KIF26A: variants seen among roughly 807,000 people sequenced by gnomAD.
KIF26A encodes the protein kinesin family member 26A, also known as kinesin-like protein KIF26A.
In KIF26A, 74 loss-of-function variants were observed where a neutral mutation model predicts 126.0. The observed-to-expected ratio is 0.59, with a 90% CI of 0.49 to 0.71. The LOEUF is 0.71. KIF26A is among the 30% of genes least tolerant of loss of function. The probability of loss-of-function intolerance (pLI) is 0.00; values close to 1 mark genes in which losing one functional copy is unlikely to be tolerated. For synonymous variants in KIF26A, 1,445 were observed against 1,232.7 expected (o/e 1.17, Z -3.61); for missense variants, 2,984 against 2,763.3 (o/e 1.08, Z -1.79).
At chr14:104,157,512 G>A (rs541919483) in intron 3 of KIF26A, among the ~76,000 whole-genome samples, 27 of 152,262 alleles carry the variant, frequency 1.8e-4, no homozygotes, top group East Asian at 1.4e-3. Context: ...GGGGCAGACC[G>A]CCCACACACC....
rs1438215438 is a variant in KIF26A, at chr14:104,173,368, G to C, written c.1722G>C (p.Glu574Asp). ...NQSELRAPTA[E>D]KAAFYLDAAL... The stretch of plus-strand genomic sequence containing the variant: ...GCGAGCTGCGGGCACCCACGGCCGA[G>C]AAGGCGGCTTTCTACCTGGATGCGG... The change falls in exon 9 of 15, where the codon GAG (glutamate) becomes GAC (aspartate). Residue 574 changes from glutamate (E) to aspartate (D), a missense_variant. By Grantham distance (45) the Glu-to-Asp change is conservative. Coordinates refer to ENST00000423312, the MANE Select transcript of KIF26A (RefSeq NM_015656.2). 2 of 1,597,262 alleles carry C rather than the reference G, an allele frequency of 1.3e-6. No individual in the cohort carries two copies. The highest frequency in any genetic ancestry group is 1.3e-5 in the African/African-American group (1 of 74,698).
chr14:104,165,443 G>A (rs900607985), intron 4 of KIF26A, among the ~76,000 whole-genome samples: 1 of 150,518 alleles, frequency 6.6e-6, no homozygotes, highest in Non-Finnish European at 1.5e-5. Context: ...CTGTCTCTGT[G>A]TGTGTTTCTG....
chr14:104,172,472 T>G, intron 6 of KIF26A, 103 bp from the exon 7 acceptor site: 2 of 745,814 alleles, frequency 2.7e-6, no homozygotes, highest in South Asian at 3.5e-5. Flanking sequence ...CCAATCTCCT[T>G]GTGGGTCGAC....
rs529333238 is a variant in KIF26A at position 104,178,808 on chromosome 14, G to A, written c.5316+53G>A. ...TGACCCCTGGTGGGGAGCCTGCCGC[G>A]GATGGCAGAGTGAGCCATTTGATGG... On this transcript the variant is annotated intron_variant, in intron 13 of 14. Coordinates refer to ENST00000423312, the MANE Select transcript of KIF26A (RefSeq NM_015656.2). 113 of 1,064,012 alleles carry A rather than the reference G, an allele frequency of 1.1e-4. No homozygotes were observed. The African/African-American group carries it at 1.2e-3, about 11-fold the overall frequency. 65.9% of individuals were successfully genotyped at this position (1,064,012 alleles called of 1,614,324 possible).
At chr14:104,168,302 C>T (rs916694221) in intron 5 of KIF26A, among the ~76,000 whole-genome samples, 9 of 152,198 alleles carry the variant, frequency 5.9e-5, no homozygotes, top group African/African-American at 1.7e-4. Context: ...GCCCCCTGCC[C>T]GCCCGGTGAT....
At chr14:104,140,697 G>C (rs1358476852) in intron 2 of KIF26A, among the ~76,000 whole-genome samples, 2 of 152,140 alleles carry the variant, frequency 1.3e-5, no homozygotes, top group African/African-American at 4.8e-5. Context: ...CTCATCTAGG[G>C]GGGTGTCTTG....
rs1269922569 is a variant in KIF26A, at chr14:104,138,767, A to C, written c.42+3A>C. On this transcript the variant is annotated splice_donor_region_variant and intron_variant, in intron 1 of 14. Coordinates refer to ENST00000423312, the MANE Select transcript of KIF26A (RefSeq NM_015656.2). ...CTCTGTGCGCTGCGCAGCCCGCGGT[A>C]CGCGCGGCCCGGCCTGGAGAGGGAG... 8.0e-7 allele frequency: 1 copy of C among 1,257,180 alleles called. No individual in the cohort carries two copies. Among genetic ancestry groups the C allele is most frequent in the African/African-American group, 1.6e-5 (1 of 64,142 alleles). 77.9% of individuals were successfully genotyped at this position (1,257,180 alleles called of 1,614,324 possible).
At chr14:104,179,118 C>T (rs1381605914) in intron 13 of KIF26A, 118 bp from the exon 14 acceptor site, 7 of 1,212,802 alleles carry the variant, frequency 5.8e-6, no homozygotes, top group Non-Finnish European at 5.5e-6. Context: ...CCTTGGAGCC[C>T]CACTGTGTGC....
chr14:104,144,553 A>G (rs2037664653), intron 2 of KIF26A, among the ~76,000 whole-genome samples: 1 of 152,192 alleles, frequency 6.6e-6, no homozygotes, highest in Non-Finnish European at 1.5e-5. Flanking sequence ...AGTACCCTGG[A>G]AGGATCTCTT....
Position 104,175,873 on chromosome 14 carries a change from G to T in KIF26A, c.3085G>T (p.Glu1029Ter). 6.5e-7 allele frequency: 1 copy of T among 1,540,314 alleles called. No homozygotes were observed. The highest frequency in any genetic ancestry group is 8.7e-7 in the Non-Finnish European group (1 of 1,147,994). Reference sequence around the variant, plus strand: ...GCAGCGGCCAGTGGAGCTCAACGGCGAGGACGAGCTGGTGTTCACGGTGGT... The same window carrying T: ...GCAGCGGCCAGTGGAGCTCAACGGCTAGGACGAGCTGGTGTTCACGGTGGT... ...TLQRPVELNG[E>*]DELVFTVVEE... The change falls in exon 12 of 15, where the codon GAG becomes TAG. Residue 1029 changes from glutamate (E) to a stop codon, truncating the protein, a stop_gained. Coordinates refer to ENST00000423312, the MANE Select transcript of KIF26A (RefSeq NM_015656.2). LOFTEE classifies it high-confidence loss of function.
At position 104,179,760 on chromosome 14, in the gene KIF26A, C is replaced by T; in HGVS notation, c.5619C>T (p.Ala1873=). The change falls in exon 15 of 15, where the codon GCC becomes GCT. Residue 1873 remains alanine (A), a synonymous_variant. Coordinates refer to ENST00000423312, the MANE Select transcript of KIF26A (RefSeq NM_015656.2). ...ACATCAGCGTTGCAGCCAGTGCTGC[C>T]ATCCCGGGGCCGCAGGAGGTGGACG... ...CFDISVAASA[A]IPGPQEVDV 1.3e-6 allele frequency: 2 copies of T among 1,549,282 alleles called. No individual in the cohort carries two copies. Among genetic ancestry groups the T allele is most frequent in the Non-Finnish European group, 1.7e-6 (2 of 1,147,810 alleles).
chr14:104,170,332 C>T (rs1228146300), intron 5 of KIF26A, among the ~76,000 whole-genome samples: 3 of 152,192 alleles, frequency 2.0e-5, no homozygotes, highest in Admixed American at 6.5e-5. Flanking sequence ...CCTAATGGAG[C>T]CCAGGTTCTG....
At chr14:104,150,206 C>CCCTCCT (rs534619963) in intron 2 of KIF26A, among the ~76,000 whole-genome samples, 3 of 73,168 alleles carry the variant, frequency 4.1e-5, no homozygotes, top group South Asian at 6.3e-4. Context: ...CTCCCCCACC[C>CCCTCCT]CCTCCTCCTC....
At position 104,166,890 on chromosome 14, in the gene KIF26A, A is replaced by T; in HGVS notation, c.955A>T (p.Arg319Trp). The change falls in exon 5 of 15, where the codon AGG becomes TGG. Residue 319 changes from arginine (R) to tryptophan (W), a missense_variant. Coordinates refer to ENST00000423312, the MANE Select transcript of KIF26A (RefSeq NM_015656.2). ...GCAGAAGCTCAGCCTGGCCTCCAAG[A>T]GGAAGAAGCCCCACCCGCCACCGCC... The part of the protein sequence containing the change: ...AMQKLSLASK[R>W]KKPHPPPPPA... 1 of 1,584,844 alleles carries T rather than the reference A, an allele frequency of 6.3e-7. No homozygotes were observed. The highest frequency in any genetic ancestry group is 8.6e-7 in the Non-Finnish European group (1 of 1,166,686).
intron 6 of KIF26A, 139 bp downstream of exon 6, chr14:104,172,074 T>C (rs572386592): frequency 4.0e-5 from 33 of 818,280 alleles, no homozygotes; most frequent in Non-Finnish European, 6.2e-5. Context: ...CTGCGGCGCC[T>C]GCCTGCTTAC....
Position 104,177,032 on chromosome 14 carries a change from C to T in KIF26A, c.4244C>T (p.Ala1415Val). 1 of 1,572,890 alleles carries T rather than the reference C, an allele frequency of 6.4e-7. No individual in the cohort carries two copies. The highest frequency in any genetic ancestry group is 8.6e-7 in the Non-Finnish European group (1 of 1,167,806). ...CGGGCTGACCACTCTGTCCCCAGGG[C>T]CACGTCCAGCCTGAAGGCCCGGGCC... ...SSRADHSVPRATSSLKARASK... is the reference protein window; with the variant it reads ...SSRADHSVPRVTSSLKARASK... Residue 1415 changes from alanine to valine, a missense_variant, in exon 12 of 15, where the codon GCC (alanine) becomes GTC (valine). By Grantham distance (64) the Ala-to-Val change is moderately conservative (BLOSUM62 0). Transcript: ENST00000423312.
In KIF26A at chr14:104,171,773, C is replaced by T. The variant is rs761651322; in HGVS notation, c.1164C>T (p.Ala388=). 106 of 1,579,520 alleles carry T rather than the reference C, an allele frequency of 6.7e-5. No individual in the cohort carries two copies. Among genetic ancestry groups the T allele is most frequent in the South Asian group, 2.1e-4 (18 of 86,114 alleles). Residue 388 remains alanine (A), a synonymous_variant, in exon 6 of 15, where the codon GCC becomes GCT. Transcript: ENST00000423312. ...IWPAQGAQRS[A]EAMSFLKVDP... ...CCGCACAGGGGGCCCAGCGCTCGGCCGAGGCCATGTCCTTCCTGAAGGTGG... is the reference window on the plus strand; with the variant it reads ...CCGCACAGGGGGCCCAGCGCTCGGCTGAGGCCATGTCCTTCCTGAAGGTGG...
rs966223107 is a variant in KIF26A at position 104,180,137 on chromosome 14, C to T, written c.*347C>T. On this transcript the variant is annotated 3_prime_UTR_variant, in exon 15 of 15. Transcript: ENST00000423312. ...CTGCGCCTGTCCGGGCCGGGGCTGG[C>T]GCCGGTTGTGTTTGTGTCCACCTTG... is the stretch of plus-strand genomic sequence containing the variant. 4 of 231,942 alleles carry T rather than the reference C, an allele frequency of 1.7e-5. No individual in the cohort carries two copies. The highest frequency in any genetic ancestry group is 1.1e-4 in the Admixed American group (2 of 18,394). 14.4% of individuals were successfully genotyped at this position (231,942 alleles called of 1,614,324 possible).
chr14:104,140,620 C>G (rs543944183), intron 2 of KIF26A, among the ~76,000 whole-genome samples: 1 of 152,044 alleles, frequency 6.6e-6, no homozygotes, highest in Non-Finnish European at 1.5e-5. Flanking sequence ...CTCCTGGTCA[C>G]GGGCAGGCCA....
Sources: gnomAD v4.1 joint callset for allele counts (sites outside exome capture counted in the v4.1 genomes callset) on GRCh38, gnomAD v4.1.1 for gene constraint, MANE v1.5 for transcripts, NCBI Gene and HGNC (gene_info 2026-07-23, HGNC 2026-07-21) for gene names.